SDHAF3: variants seen among roughly 807,000 people sequenced by gnomAD.
SDHAF3 encodes the protein succinate dehydrogenase complex assembly factor 3.
SDHAF3 carries 18 observed loss-of-function variants against 11.5 expected under a neutral mutation model. That is an observed-to-expected ratio of 1.56 (90% confidence interval 1.08 to 2.32). SDHAF3 has a LOEUF of 2.32. SDHAF3 is among the 30% of genes most tolerant of loss of function. SDHAF3 has a pLI of 0.00. For missense variants in SDHAF3, 200 were observed against 154.4 expected (o/e 1.30, Z -1.57); for synonymous variants, 72 against 59.3 (o/e 1.21, Z -0.99).
intron 1 of SDHAF3, among the ~76,000 whole-genome samples, chr7:97,156,772 T>C (rs1789306688): frequency 1.4e-5 from 2 of 147,330 alleles, no homozygotes; most frequent in Admixed American, 1.3e-4. Context: ...TAAATATTAA[T>C]AAAAAAAATT....
intron 1 of SDHAF3, among the ~76,000 whole-genome samples, chr7:97,129,828 C>T (rs1272986347): frequency 6.6e-6 from 1 of 152,126 alleles, no homozygotes; most frequent in Non-Finnish European, 1.5e-5. Context: ...GAGGGCGAGC[C>T]AGGCACAGAG....
chr7:97,122,328 CTTAAA>C (rs1791514314), intron 1 of SDHAF3, among the ~76,000 whole-genome samples: 1 of 152,082 alleles, frequency 6.6e-6, no homozygotes, highest in Non-Finnish European at 1.5e-5. Context: ...GTGGAAATGA[CTTAAA>C]TTACATTCTA....
chr7:97,175,851 G>A (rs193285944), intron 1 of SDHAF3, among the ~76,000 whole-genome samples: 19 of 152,200 alleles, frequency 1.2e-4, no homozygotes, highest in African/African-American at 4.6e-4. Flanking sequence ...TCCTGTGTCT[G>A]CTGTAATAAA....
intron 1 of SDHAF3, among the ~76,000 whole-genome samples, chr7:97,179,286 A>T (rs866955474): frequency 1.9e-4 from 29 of 152,184 alleles, no homozygotes; most frequent in African/African-American, 6.3e-4. Flanking sequence ...TGTTTTTGCT[A>T]TTTAGAGCTC....
chr7:97,142,449 AT>A (rs1315624840), intron 1 of SDHAF3, among the ~76,000 whole-genome samples: 1 of 152,220 alleles, frequency 6.6e-6, no homozygotes, highest in Non-Finnish European at 1.5e-5. Flanking sequence ...CATTAGGCTT[AT>A]TCCAAGCACT....
intron 1 of SDHAF3, among the ~76,000 whole-genome samples, chr7:97,119,031 T>A (rs1055479498): frequency 6.6e-6 from 1 of 152,188 alleles, no homozygotes; most frequent in Non-Finnish European, 1.5e-5. Context: ...AAGAACTGGA[T>A]TCAGATTCAG....
intron 1 of SDHAF3, among the ~76,000 whole-genome samples, chr7:97,157,409 A>G (rs917556983): frequency 6.6e-6 from 1 of 152,182 alleles, no homozygotes; most frequent in Non-Finnish European, 1.5e-5. Flanking sequence ...AATCAAAACC[A>G]CAGTGAGATA....
At chr7:97,130,235 G>A (rs1168310087) in intron 1 of SDHAF3, among the ~76,000 whole-genome samples, 1 of 149,102 alleles carries the variant, frequency 6.7e-6, no homozygotes, top group Non-Finnish European at 1.5e-5. Context: ...CAGTGCCACT[G>A]CACTCCAGCC....
chr7:97,140,147 G>A (rs1789007782), intron 1 of SDHAF3, among the ~76,000 whole-genome samples: 1 of 152,050 alleles, frequency 6.6e-6, no homozygotes, highest in Non-Finnish European at 1.5e-5. Context: ...TCTGAAAGTG[G>A]CCTCAAGTTG....
chr7:97,142,955 G>T (rs1789076462), intron 1 of SDHAF3: 1 of 143,542 alleles, frequency 7.0e-6, no homozygotes, highest in Non-Finnish European at 1.5e-5. Context: ...GGAGTGCAGT[G>T]GTGTGATCTT....
chr7:97,171,689 G>T (rs10499936), intron 1 of SDHAF3, among the ~76,000 whole-genome samples: 141,252 of 152,092 alleles, frequency 0.93, 66,076 homozygotes, highest in Non-Finnish European at 0.99. Flanking sequence ...AGGAGGCCTA[G>T]GCTACATGCT....
intron 1 of SDHAF3, among the ~76,000 whole-genome samples, chr7:97,168,912 T>G (rs1789558299): frequency 6.6e-6 from 1 of 152,238 alleles, no homozygotes. Context: ...ATTACAGATA[T>G]GTAGACTCTG....
chr7:97,135,531 C>A (rs1277641547), intron 1 of SDHAF3: 4 of 154,224 alleles, frequency 2.6e-5, no homozygotes, highest in African/African-American at 7.4e-5. Flanking sequence ...CCATTGGTTT[C>A]TTGGGGTCAC....
At position 97,124,019 on chromosome 7, in the gene SDHAF3, A is replaced by G. The variant is rs1025205582; in HGVS notation, c.174+6122A>G. On this transcript the variant is annotated intron_variant, in intron 1 of 1. Coordinates refer to ENST00000432641, the MANE Select transcript of SDHAF3 (RefSeq NM_020186.3). Reference sequence around the variant, plus strand: ...TAATTTAATTAGATCTCATTTGTCAATTTTGGCTTTCGTTGCCATTGCTGT... The same window carrying G: ...TAATTTAATTAGATCTCATTTGTCAGTTTTGGCTTTCGTTGCCATTGCTGT... Among the ~76,000 whole-genome samples the G allele has an allele frequency of 4.6e-5, 7 of 152,160 alleles. 1 individual carries two copies. Among genetic ancestry groups the G allele is most frequent in the East Asian group, 1.9e-4 (1 of 5,178 alleles).
At chr7:97,168,391 G>T (rs547902591) in intron 1 of SDHAF3, among the ~76,000 whole-genome samples, 1 of 152,146 alleles carries the variant, frequency 6.6e-6, no homozygotes, top group Non-Finnish European at 1.5e-5. Context: ...CTAGTTCCCA[G>T]GCAAGAAGGG....
chr7:97,157,544 T>A (rs984881366), intron 1 of SDHAF3, among the ~76,000 whole-genome samples: 8 of 152,188 alleles, frequency 5.3e-5, no homozygotes, highest in African/African-American at 1.4e-4. Context: ...TCAGCCATTG[T>A]GGAAGTCAGT....
At chr7:97,131,994 A>C (rs1314882089) in intron 1 of SDHAF3, among the ~76,000 whole-genome samples, 1 of 152,206 alleles carries the variant, frequency 6.6e-6, no homozygotes, top group Non-Finnish European at 1.5e-5. Flanking sequence ...AATTACATAT[A>C]AACTTTATCT....
intron 1 of SDHAF3, among the ~76,000 whole-genome samples, chr7:97,173,639 G>A (rs755956602): frequency 6.8e-6 from 1 of 147,608 alleles, no homozygotes; most frequent in Non-Finnish European, 1.5e-5. Flanking sequence ...TGCAAGCTCC[G>A]CCTCCCAGGT....
intron 1 of SDHAF3, among the ~76,000 whole-genome samples, chr7:97,149,617 A>G (rs1363353991): frequency 6.6e-6 from 1 of 152,256 alleles, no homozygotes; most frequent in Non-Finnish European, 1.5e-5. Context: ...GCATTGTCTT[A>G]AAATAGAATA....
Sources: allele counts gnomAD v4.1 joint callset (sites outside exome capture counted in the v4.1 genomes callset), GRCh38; gene constraint gnomAD v4.1.1; transcripts MANE v1.5; gene names NCBI Gene and HGNC (gene_info 2026-07-23, HGNC 2026-07-21).